NFIB: variants seen among roughly 807,000 people sequenced by gnomAD.
NFIB encodes the protein nuclear factor I B.
Under a neutral mutation model 61.5 loss-of-function variants are expected in NFIB, and 11 were observed. That is an observed-to-expected ratio of 0.18 (90% CI 0.11 to 0.30). The LOEUF (loss-of-function observed/expected upper bound fraction) is 0.30, where lower values mean the gene tolerates loss of function less well. Among genes scored for constraint, NFIB ranks in the 10% least tolerant of loss-of-function variants. The pLI, the probability that NFIB is intolerant of heterozygous loss-of-function variation, is 1.00. For synonymous variants in NFIB, 260 were observed against 216.5 expected, an observed-to-expected ratio of 1.20 and a Z score of -1.76; for missense variants, 471 against 608.9, an observed-to-expected ratio of 0.77 and a Z score of 2.38.
chr9:14,374,388 G>T (rs1384408220), intron 1 of NFIB, among the ~76,000 whole-genome samples: 1 of 152,162 alleles, frequency 6.6e-6, no homozygotes, highest in Non-Finnish European at 1.5e-5. Context: ...AGTGAGAAAA[G>T]TTCATCTGTG....
the NFIB span, among the ~76,000 whole-genome samples, chr9:14,527,567 C>T: frequency 7.9e-5 from 12 of 152,156 alleles, no homozygotes; most frequent in African/African-American, 2.7e-4. Context: ...CACCCCCCTC[C>T]ATAACACTGT....
At chr9:14,152,863 G>T (rs911073138) in intron 4 of NFIB, among the ~76,000 whole-genome samples, 2 of 151,976 alleles carry the variant, frequency 1.3e-5, no homozygotes, top group Admixed American at 6.6e-5. Context: ...TGTCAGAGGT[G>T]GGGGAGGGTG....
At chr9:14,524,422 T>C in the NFIB span, among the ~76,000 whole-genome samples, 1 of 152,196 alleles carries the variant, frequency 6.6e-6, no homozygotes, top group Non-Finnish European at 1.5e-5. Context: ...GTACTGTTCA[T>C]CATGTGACCA....
chr9:14,109,596 G>A (rs1488180509), intron 10 of NFIB, among the ~76,000 whole-genome samples: 1 of 151,990 alleles, frequency 6.6e-6, no homozygotes, highest in African/African-American at 2.4e-5. Flanking sequence ...TTTCCCCCAT[G>A]CCAATAGCGA....
the NFIB span, among the ~76,000 whole-genome samples, chr9:14,481,846 C>G: frequency 5.9e-5 from 9 of 152,176 alleles, no homozygotes; most frequent in African/African-American, 9.7e-5. Flanking sequence ...GTCCCCAACA[C>G]CAGGTGCTAT....
intron 10 of NFIB, among the ~76,000 whole-genome samples, chr9:14,090,543 G>A (rs7863561): frequency 0.061 from 9,254 of 152,096 alleles, 902 homozygotes; most frequent in African/African-American, 0.21. Context: ...CAGAGAAAAC[G>A]ACCTAGTCAC....
chr9:14,306,812 T>G (rs746166037), intron 2 of NFIB, among the ~76,000 whole-genome samples, 177 bp downstream of exon 2: 1 of 152,200 alleles, frequency 6.6e-6, no homozygotes, highest in Non-Finnish European at 1.5e-5. Context: ...TGTGTCTATT[T>G]ACATGGCTCG....
intron 1 of NFIB, among the ~76,000 whole-genome samples, chr9:14,343,501 A>C (rs1218450273): frequency 1.3e-5 from 2 of 152,162 alleles, no homozygotes; most frequent in African/African-American, 2.4e-5. Flanking sequence ...ATTAAAAAAA[A>C]GTGTGAAAGG....
the NFIB span, among the ~76,000 whole-genome samples, chr9:14,411,350 C>T: frequency 2.0e-5 from 3 of 152,104 alleles, no homozygotes; most frequent in Admixed American, 6.6e-5. Context: ...TACAATTTGT[C>T]GATTGATCTA....
chr9:14,117,063 C>T (rs903075056), intron 8 of NFIB, among the ~76,000 whole-genome samples: 9 of 152,208 alleles, frequency 5.9e-5, no homozygotes, highest in Non-Finnish European at 1.0e-4. Flanking sequence ...TGCTGAGCTA[C>T]GTTTGTCCTT....
upstream of NFIB, chr9:14,314,240 T>G: frequency 9.4e-6 from 7 of 745,276 alleles, no homozygotes; most frequent in East Asian, 8.0e-5. Flanking sequence ...GCGCGAGCGC[T>G]GATCTCTGGG....
At chr9:14,346,296 C>A (rs531962719) in intron 1 of NFIB, among the ~76,000 whole-genome samples, 1 of 142,734 alleles carries the variant, frequency 7.0e-6, no homozygotes, top group Non-Finnish European at 1.6e-5. Context: ...CGACACCCCC[C>A]CCCCGTAACC....
chr9:14,485,000 G>T, the NFIB span, among the ~76,000 whole-genome samples: 1 of 152,098 alleles, frequency 6.6e-6, no homozygotes, highest in Non-Finnish European at 1.5e-5. Context: ...ACATGACAGA[G>T]AGAGAGAGAA....
rs1588380954 is a variant in NFIB, at chr9:14,369,693, T to C, written c.108+28831A>G. 2.0e-5 allele frequency among the ~76,000 whole-genome samples: 3 copies of C among 152,224 alleles called. No individual in the cohort carries two copies. In the South Asian group the frequency reaches 6.2e-4, roughly 32 times the overall value. ...CCAACTTCTACTCCTTCTTTTCTCC[T>C]AATTAGTCACCACGTTTTATTGTTT... On this transcript the variant is annotated intron_variant, in intron 1 of 8. Transcript: ENST00000380934.
chr9:14,387,481 G>A lies in NFIB; in HGVS notation c.108+11043C>T, dbSNP rs1243484185. 2.0e-5 allele frequency among the ~76,000 whole-genome samples: 3 copies of A among 152,090 alleles called. No individual in the cohort carries two copies. In the East Asian group the frequency reaches 5.8e-4, roughly 29 times the overall value. The stretch of plus-strand genomic sequence containing the variant: ...AATGCATATAACCTACACAATATTA[G>A]CATCCAGAATACATACAGTCATTAA... On this transcript the variant is annotated intron_variant, in intron 1 of 8. Coordinates refer to the NFIB transcript ENST00000380934.
intron 2 of NFIB, among the ~76,000 whole-genome samples, chr9:14,246,878 G>A (rs1028023790): frequency 3.9e-5 from 6 of 152,150 alleles, no homozygotes; most frequent in African/African-American, 1.4e-4. Context: ...CTTTATGGAA[G>A]TAATTAAGGT....
chr9:14,313,036 A>G lies in NFIB; in HGVS notation c.30+446T>C, dbSNP rs1466347493. Among the ~76,000 whole-genome samples the G allele has an allele frequency of 6.6e-6, 1 of 152,162 alleles. No individual in the cohort carries two copies. Among genetic ancestry groups the G allele is most frequent in the African/African-American group, 2.4e-5 (1 of 41,448 alleles). On this transcript the variant is annotated intron_variant, in intron 1 of 10. Transcript: ENST00000380953. The surrounding 1 kb of genome is among the most constrained non-coding windows in gnomAD (Gnocchi z 4.5). ...CGGCGCCCACACAGACTCGTGCTACAGTCCCCTCGCCCAAGTTCACTGGCT... is the reference window on the plus strand; with the variant it reads ...CGGCGCCCACACAGACTCGTGCTACGGTCCCCTCGCCCAAGTTCACTGGCT...
chr9:14,315,880 C>CG (rs1168496192), upstream of NFIB, among the ~76,000 whole-genome samples: 5 of 151,650 alleles, frequency 3.3e-5, no homozygotes, highest in East Asian at 8.0e-4. Flanking sequence ...CTGGGGGATC[C>CG]GGGGGGCGCT....
the NFIB span, among the ~76,000 whole-genome samples, chr9:14,411,237 A>G: frequency 1.3e-5 from 2 of 152,172 alleles, no homozygotes; most frequent in Non-Finnish European, 2.9e-5. Flanking sequence ...ACATTACTGG[A>G]TATTAGCAAT....
Sources: allele counts gnomAD v4.1 joint callset (sites outside exome capture counted in the v4.1 genomes callset), GRCh38; gene constraint gnomAD v4.1.1; non-coding constraint Gnocchi (gnomAD v3.1); transcripts MANE v1.5; gene names NCBI Gene and HGNC (gene_info 2026-07-23, HGNC 2026-07-21).